Variants in RPS11 observed in about 807,000 individuals in gnomAD.
RPS11 encodes ribosomal protein S11.
For missense variants in RPS11, 127 were observed against 211.4 expected (o/e 0.60, Z 2.48); for synonymous variants, 107 against 78.0 (o/e 1.37, Z -1.96).
chr19:49,497,387 A>C, intron 2 of RPS11, 62 bp downstream of exon 2: 1 of 1,610,062 alleles, frequency 6.2e-7, no homozygotes, highest in Non-Finnish European at 8.5e-7. Context: ...GCCCACGACG[A>C]GTTGCCCTGC....
chr19:49,497,759 C>A, intron 3 of RPS11, 158 bp from the exon 4 acceptor site: 1 of 1,172,130 alleles, frequency 8.5e-7, no homozygotes, highest in Non-Finnish European at 1.3e-6. Flanking sequence ...TTCAGATGCC[C>A]ACGTGGGCAC....
At chr19:49,498,913 GT>G (rs2079920990) in intron 4 of RPS11, among the ~76,000 whole-genome samples, 1 of 152,192 alleles carries the variant, frequency 6.6e-6, no homozygotes, top group African/African-American at 2.4e-5. Flanking sequence ...CCCTCAGCAT[GT>G]TTTAGTTAGA....
intron 3 of RPS11, 139 bp downstream of exon 3, chr19:49,497,734 G>C: frequency 8.7e-7 from 1 of 1,147,720 alleles, no homozygotes; most frequent in Non-Finnish European, 1.3e-6. Flanking sequence ...GATGATGTTT[G>C]TTTTCACGAT....
chr19:49,497,065 C>G, intron 1 of RPS11, 129 bp from the exon 2 acceptor site: 1 of 1,099,570 alleles, frequency 9.1e-7, no homozygotes. Flanking sequence ...GGCACCAGGC[C>G]TTGGACGCCG....
chr19:49,499,091 G>A (rs1054901413), intron 4 of RPS11, among the ~76,000 whole-genome samples: 2 of 152,170 alleles, frequency 1.3e-5, no homozygotes, highest in Non-Finnish European at 2.9e-5. Context: ...CCCTCTGGGC[G>A]GGGAGGATCT....
chr19:49,496,481 C>T lies in RPS11; in HGVS notation c.15+10C>T, dbSNP rs374737026. 5.6e-6 allele frequency: 9 copies of T among 1,609,938 alleles called. No individual in the cohort carries two copies. Among genetic ancestry groups the T allele is most frequent in the Non-Finnish European group, 7.6e-6 (9 of 1,178,242 alleles). On this transcript the variant is annotated intron_variant, in intron 1 of 4. Transcript: ENST00000270625. ...GATGGCGGACATTCAGGTGCGGACT[C>T]GGGGTTGGATGCCAGGGTGCGGGGT...
In RPS11 at chr19:49,496,603, A is replaced by G. The variant is rs574755634; in HGVS notation, c.15+132A>G. ...GTCCGTGATTATTTTCTAGAGATTA[A>G]CTGGAGTGGAGGGCGCTTGCTTTTG... On this transcript the variant is annotated intron_variant, in intron 1 of 4. Transcript: ENST00000270625. 1.9e-4 allele frequency: 187 copies of G among 974,090 alleles called. No individual in the cohort carries two copies. In the East Asian group the frequency reaches 4.9e-3, roughly 26 times the overall value. The allele number at this position is 974,090 out of a possible 1,614,324, so 60.3% of individuals were successfully genotyped here.
Position 49,497,077 on chromosome 19 carries a change from C to T in RPS11, c.16-117C>T, listed in dbSNP as rs1006834298. 3.2e-6 allele frequency: 4 copies of T among 1,246,434 alleles called. No homozygotes were observed. In the African/African-American group the frequency reaches 6.1e-5, roughly 19 times the overall value. 77.2% of individuals were successfully genotyped at this position (1,246,434 alleles called of 1,614,324 possible). ...TGGGGCACCAGGCCTTGGACGCCGG[C>T]GCTTTGCAAGTAAATGTAGAGCATG... On this transcript the variant is annotated intron_variant, in intron 1 of 4. Transcript: ENST00000270625.
chr19:49,496,492 G>A (rs1189790387), intron 1 of RPS11, 21 bp downstream of exon 1: 1 of 1,607,464 alleles, frequency 6.2e-7, no homozygotes, highest in Non-Finnish European at 8.5e-7. Flanking sequence ...GGGGTTGGAT[G>A]CCAGGGTGCG....
intron 3 of RPS11, 153 bp downstream of exon 3, chr19:49,497,748 C>T: frequency 8.7e-7 from 1 of 1,155,172 alleles, no homozygotes; most frequent in East Asian, 2.3e-5. Flanking sequence ...TCACGATGGT[C>T]TTCAGATGCC....
At chr19:49,499,420 G>A in intron 4 of RPS11, 92 bp from the exon 5 acceptor site, 2 of 1,419,424 alleles carry the variant, frequency 1.4e-6, no homozygotes, top group South Asian at 2.5e-5. Context: ...AGCCGAAGCA[G>A]AGAGCCTTTA....
At chr19:49,497,127 C>A in intron 1 of RPS11, 67 bp from the exon 2 acceptor site, 1 of 1,596,168 alleles carries the variant, frequency 6.3e-7, no homozygotes, top group South Asian at 1.1e-5. Context: ...CTGGGAAGGT[C>A]TCTAGGGCTG....
In RPS11 at chr19:49,498,023, T is replaced by C. The variant is rs2079915932; in HGVS notation, c.330T>C (p.Ser110=). The C allele has an allele frequency of 6.2e-7, 1 of 1,612,728 alleles. No homozygotes were observed. The highest frequency in any genetic ancestry group is 1.3e-5 in the African/African-American group (1 of 74,852). Residue 110 remains serine (S), a synonymous_variant, in exon 4 of 5, where the codon TCT becomes TCC. Coordinates refer to ENST00000270625, the MANE Select transcript of RPS11 (RefSeq NM_001015.5). ...NRFEKRHKNM[S]VHLSPCFRDV... is the part of the protein sequence containing the mutation. ...TCGAGAAGCGCCACAAGAACATGTC[T>C]GTACACCTGTCCCCCTGCTTCAGGT... is the stretch of plus-strand genomic sequence containing the variant.
intron 4 of RPS11, among the ~76,000 whole-genome samples, chr19:49,499,205 G>T (rs1335026045): frequency 2.0e-5 from 3 of 152,198 alleles, no homozygotes; most frequent in Non-Finnish European, 2.9e-5. Context: ...TCCCCCTGCT[G>T]CTCTGCTGGG....
Position 49,499,019 on chromosome 19 carries a change from G to A in RPS11, c.354-493G>A, listed in dbSNP as rs149036741. Among the ~76,000 whole-genome samples, 270 of 152,334 alleles carry A rather than the reference G, an allele frequency of 1.8e-3. 1 individual carries two copies. The highest frequency in any genetic ancestry group is 6.2e-3 in the African/African-American group (258 of 41,574). On this transcript the variant is annotated intron_variant, in intron 4 of 4. Coordinates refer to ENST00000270625, the MANE Select transcript of RPS11 (RefSeq NM_001015.5). ...CCCTCAGAGGGCACCTTCAAGCAGT[G>A]TGGGTGCCAGATGACAGCCAAGTAT...
At chr19:49,497,118 TG>T (rs1474086290) in intron 1 of RPS11, 75 bp from the exon 2 acceptor site, 33 of 1,565,584 alleles carry the variant, frequency 2.1e-5, no homozygotes, top group African/African-American at 1.5e-4. Context: ...TGGGAGGTTC[TG>T]GGAAGGTCTC....
chr19:49,498,728 C>G (rs1320841441), intron 4 of RPS11, among the ~76,000 whole-genome samples: 3 of 152,066 alleles, frequency 2.0e-5, no homozygotes, highest in Non-Finnish European at 4.4e-5. Context: ...CCGGCCTGGG[C>G]GACAGAGTAA....
chr19:49,496,655 T>TG (rs918401767), intron 1 of RPS11, among the ~76,000 whole-genome samples, 184 bp downstream of exon 1: 13 of 152,160 alleles, frequency 8.5e-5, no homozygotes, highest in African/African-American at 2.9e-4. Context: ...TCCTAATTCC[T>TG]GGGGGCTCCT....
intron 1 of RPS11, among the ~76,000 whole-genome samples, chr19:49,496,730 T>C (rs1365663697): frequency 6.6e-6 from 1 of 152,148 alleles, no homozygotes. Context: ...AAGAAGGTTT[T>C]TTTGGAGTTC....
Sources: allele counts gnomAD v4.1 joint callset (sites outside exome capture counted in the v4.1 genomes callset), GRCh38; gene constraint gnomAD v4.1.1; transcripts MANE v1.5; gene names NCBI Gene and HGNC (gene_info 2026-07-23, HGNC 2026-07-21).